The following ARHGAP42 variants were observed in gnomAD, a reference collection of about 807,000 sequenced individuals.
The protein encoded by ARHGAP42 is rho GTPase-activating protein 42.
A neutral mutation model predicts 125.0 loss-of-function variants in ARHGAP42; 63 were observed. The observed-to-expected ratio is 0.50, with a 90% CI of 0.41 to 0.62. The LOEUF is 0.62. Ranked by LOEUF, ARHGAP42 falls within the 20% of genes least tolerant of loss-of-function variation. The pLI is 0.00. For synonymous variants in ARHGAP42, 339 were observed against 351.0 expected, an observed-to-expected ratio of 0.97 and a Z score of 0.38; for missense variants, 766 against 1,024.2, an observed-to-expected ratio of 0.75 and a Z score of 3.44.
intron 4 of ARHGAP42, among the ~76,000 whole-genome samples, chr11:100,893,475 G>A (rs1446155538): frequency 1.3e-5 from 2 of 151,954 alleles, no homozygotes; most frequent in African/African-American, 2.4e-5. Context: ...TGGCAACAAT[G>A]AATAGCTGAA....
intron 17 of ARHGAP42, among the ~76,000 whole-genome samples, chr11:100,970,966 C>T (rs1037964173): frequency 5.9e-5 from 9 of 152,034 alleles, no homozygotes; most frequent in African/African-American, 1.9e-4. Context: ...GATATGCTCA[C>T]AGCCTGCCAA....
intron 1 of ARHGAP42, 80 bp from the exon 2 acceptor site, chr11:100,770,263 A>G: frequency 1.1e-6 from 1 of 927,698 alleles, no homozygotes; most frequent in East Asian, 2.7e-5. Flanking sequence ...AATCAAAGTT[A>G]TATAATTTTA....
At chr11:100,935,756 A>G (rs1443251764) in intron 7 of ARHGAP42, among the ~76,000 whole-genome samples, 1 of 152,162 alleles carries the variant, frequency 6.6e-6, no homozygotes, top group African/African-American at 2.4e-5. Context: ...AGTTCAACTC[A>G]GACCTTGGGA....
chr11:100,870,238 A>G (rs1056122501), intron 4 of ARHGAP42, among the ~76,000 whole-genome samples: 1 of 152,192 alleles, frequency 6.6e-6, no homozygotes, highest in African/African-American at 2.4e-5. Flanking sequence ...GACTGAAGAA[A>G]GTTTTCTAGG....
chr11:100,796,345 AC>A (rs1863713722), intron 3 of ARHGAP42, among the ~76,000 whole-genome samples: 1 of 152,124 alleles, frequency 6.6e-6, no homozygotes, highest in Non-Finnish European at 1.5e-5. Context: ...CCAGCCATTC[AC>A]CCATCTCTCT....
chr11:100,701,178 A>AT (rs1458717162), intron 1 of ARHGAP42, among the ~76,000 whole-genome samples: 2 of 151,170 alleles, frequency 1.3e-5, no homozygotes, highest in Non-Finnish European at 2.9e-5. Flanking sequence ...ATAGGCCTCT[A>AT]ACCACACAGC....
chr11:100,935,677 C>CACACACACACACAG lies in ARHGAP42; in HGVS notation c.703-525_703-524insCACACACACACAGA, dbSNP rs143859109. 3.0e-3 allele frequency among the ~76,000 whole-genome samples: 437 copies of CACACACACACACAG among 146,690 alleles called. 3 individuals are homozygous for CACACACACACACAG. The highest frequency in any genetic ancestry group is 0.01 in the African/African-American group (393 of 38,912). ...AAGGTCACACACACACACACACACACAGAGAGAGAGAGAGAGAGATTCAAA... is the reference window on the plus strand; with the variant it reads ...AAGGTCACACACACACACACACACACACACACACACACAGAGAGAGAGAGAGAGAGAGATTCAAA... On this transcript the variant is annotated intron_variant, in intron 7 of 23. Transcript: ENST00000298815.
intron 4 of ARHGAP42, among the ~76,000 whole-genome samples, chr11:100,878,938 ACT>A (rs1360760225): frequency 1.3e-5 from 2 of 151,126 alleles, no homozygotes; most frequent in Non-Finnish European, 2.9e-5. Flanking sequence ...CATCAGAAAA[ACT>A]CTTCTAGAGA....
intron 22 of ARHGAP42, chr11:100,985,947 C>T (rs114718991): frequency 3.3e-5 from 14 of 420,252 alleles, no homozygotes; most frequent in East Asian, 2.1e-4. Context: ...ATGCTGCTGA[C>T]GCTGCTTTGC....
intron 4 of ARHGAP42, among the ~76,000 whole-genome samples, chr11:100,879,077 C>G (rs1358237948): frequency 1.3e-5 from 2 of 150,364 alleles, no homozygotes; most frequent in Non-Finnish European, 3.0e-5. Context: ...AATAATGCCT[C>G]AAAAAAATAT....
In ARHGAP42 at chr11:100,815,468, T is replaced by A. The variant is rs151106327; in HGVS notation, c.312+20302T>A. On this transcript the variant is annotated intron_variant, in intron 3 of 23. Transcript: ENST00000298815. ...GCTCTATTCTGTATAACTTACAACA[T>A]TTATTTTCCCTTGAAAAATGCACTA... is the stretch of plus-strand genomic sequence containing the variant. Among the ~76,000 whole-genome samples the A allele has an allele frequency of 8.3e-3, 1,262 of 152,300 alleles. 17 individuals are homozygous for A. The highest frequency in any genetic ancestry group is 0.028 in the African/African-American group (1,176 of 41,572).
chr11:100,960,437 A>G (rs879634934), intron 13 of ARHGAP42, among the ~76,000 whole-genome samples: 6 of 152,184 alleles, frequency 3.9e-5, no homozygotes, highest in African/African-American at 1.2e-4. Context: ...AGCAAAATTC[A>G]TATTGGGTTT....
chr11:100,849,611 T>C (rs1743796765), intron 3 of ARHGAP42, among the ~76,000 whole-genome samples: 1 of 152,162 alleles, frequency 6.6e-6, no homozygotes, highest in South Asian at 2.1e-4. Flanking sequence ...TTAACAACAC[T>C]GTGATTAAAT....
intron 16 of ARHGAP42, among the ~76,000 whole-genome samples, chr11:100,964,902 G>A (rs1023378306): frequency 6.6e-6 from 1 of 152,088 alleles, no homozygotes; most frequent in Non-Finnish European, 1.5e-5. Flanking sequence ...GAATCTCTAG[G>A]AGCTCTCTGT....
At chr11:100,912,915 T>C (rs1439262532) in intron 4 of ARHGAP42, among the ~76,000 whole-genome samples, 1 of 152,210 alleles carries the variant, frequency 6.6e-6, no homozygotes, top group Non-Finnish European at 1.5e-5. Context: ...AAAAATCTTC[T>C]CCTCCATGTC....
intron 10 of ARHGAP42, among the ~76,000 whole-genome samples, chr11:100,945,826 G>T (rs1336475376): frequency 6.6e-6 from 1 of 152,054 alleles, no homozygotes; most frequent in Non-Finnish European, 1.5e-5. Flanking sequence ...CCTAGGATTT[G>T]CAGAATGATA....
intron 4 of ARHGAP42, among the ~76,000 whole-genome samples, chr11:100,909,207 T>G (rs1334529266): frequency 6.6e-6 from 1 of 152,184 alleles, no homozygotes; most frequent in Non-Finnish European, 1.5e-5. Context: ...TGATTATTTC[T>G]TTTGCTGTTC....
chr11:100,914,892 A>G (rs1867023480), intron 5 of ARHGAP42, among the ~76,000 whole-genome samples: 2 of 152,160 alleles, frequency 1.3e-5, no homozygotes, highest in Non-Finnish European at 2.9e-5. Flanking sequence ...TACAGCCTCA[A>G]AAAGAAATAG....
At chr11:100,741,021 G>T (rs1862173928) in intron 1 of ARHGAP42, among the ~76,000 whole-genome samples, 1 of 152,046 alleles carries the variant, frequency 6.6e-6, no homozygotes, top group Non-Finnish European at 1.5e-5. Flanking sequence ...GAGAAAATAA[G>T]AAATTTTATT....
Sources: allele counts gnomAD v4.1 joint callset (sites outside exome capture counted in the v4.1 genomes callset), GRCh38; gene constraint gnomAD v4.1.1; transcripts MANE v1.5; gene names NCBI Gene and HGNC (gene_info 2026-07-23, HGNC 2026-07-21).